NOTCH4: variants seen among roughly 807,000 people sequenced by gnomAD.
NOTCH4 encodes the protein neurogenic locus notch homolog protein 4.
A neutral mutation model predicts 189.0 loss-of-function variants in NOTCH4; 138 were observed. That is an observed-to-expected ratio of 0.73 (90% CI 0.64 to 0.84). NOTCH4 has a LOEUF of 0.84. Among genes scored for constraint, NOTCH4 ranks in the 40% least tolerant of loss-of-function variants. The pLI, the probability that NOTCH4 is intolerant of heterozygous loss-of-function variation, is 0.00. For synonymous variants in NOTCH4, 942 were observed against 1,032.8 expected (o/e 0.91, Z 1.69); for missense variants, 2,286 against 2,605.4 (o/e 0.88, Z 2.67).
Position 32,220,881 on chromosome 6 carries a change from G to A in NOTCH4, c.800-3C>T. On this transcript the variant is annotated splice_region_variant and splice_polypyrimidine_tract_variant and intron_variant, in intron 4 of 29. Coordinates refer to ENST00000375023, the MANE Select transcript of NOTCH4 (RefSeq NM_004557.4). ...CTCACAGTCTGGGCCTATGAAACCT[G>A]ACAGGGTCATGGATCAGCTGTGGGA... The A allele has an allele frequency of 6.2e-7, 1 of 1,613,062 alleles. No individual in the cohort carries two copies. The highest frequency in any genetic ancestry group is 1.1e-5 in the South Asian group (1 of 90,922).
In NOTCH4 at chr6:32,214,168, C is replaced by T. The variant is rs146606566; in HGVS notation, c.2109G>A (p.Gly703=). The change falls in exon 13 of 30, where the codon GGG becomes GGA. Residue 703 remains glycine (G), a synonymous_variant. Coordinates refer to ENST00000375023, the MANE Select transcript of NOTCH4 (RefSeq NM_004557.4). ...GGCISAPCAH[G]GTCYPQPSGY... is the part of the protein sequence containing the mutation. ...CAGAGGGCTGGGGGTAGCAGGTCCC[C>T]CCATGGGCACAGGGTGCAGAGATGC... The T allele has an allele frequency of 1.4e-5, 23 of 1,613,490 alleles. No individual in the cohort carries two copies. Among genetic ancestry groups the T allele is most frequent in the Non-Finnish European group, 1.9e-5 (23 of 1,179,854 alleles).
At chr6:32,206,564 G>A (rs1788691296) in intron 18 of NOTCH4, among the ~76,000 whole-genome samples, 1 of 152,044 alleles carries the variant, frequency 6.6e-6, no homozygotes, top group African/African-American at 2.4e-5. Flanking sequence ...CAAAAAAATG[G>A]AAAGATATCC....
rs557911728 is a variant in NOTCH4, at chr6:32,213,199, G to A, written c.2374C>T (p.Leu792Phe). Residue 792 changes from leucine (L) to phenylalanine (F), a missense_variant, in exon 15 of 30, where the codon CTC (leucine) becomes TTC (phenylalanine). This residue lies in a region of NOTCH4 where 1,903 missense variants were observed against 2,261.9 expected (regional missense o/e 0.84). Transcript: ENST00000375023. Reference protein sequence around the residue: ...CVNRPGTFSCLCAMGFQGPRC... With the variant: ...CVNRPGTFSCFCAMGFQGPRC... The stretch of plus-strand genomic sequence containing the variant: ...GGGCCCTGGAAGCCCATGGCACAGA[G>A]GCAGGAGAAGGTGCCAGGCCTGTTC... 2 of 1,614,044 alleles carry A rather than the reference G, an allele frequency of 1.2e-6. No individual in the cohort carries two copies. Among genetic ancestry groups the A allele is most frequent in the Middle Eastern group, 1.7e-4 (1 of 6,060 alleles).
In NOTCH4 at chr6:32,195,603, CA is replaced by C. The variant is rs1214881321; in HGVS notation, c.5845del (p.Trp1949GlyfsTer47). On this transcript the variant is annotated frameshift_variant, in exon 30 of 30. Transcript: ENST00000375023. LOFTEE classifies it low-confidence loss of function (END_TRUNC). The surrounding 1 kb of genome is among the most constrained non-coding windows in gnomAD (Gnocchi z 5.4). ...TCCCAGGGCCACCCAATCACAGGGC[CA>C]GTCATCCGTTGAGACCCTGCCTCCG... ...GRGGRVSTDD[W>X]PCDWVALGAC... 7 of 1,613,112 alleles carry C rather than the reference CA, an allele frequency of 4.3e-6. No homozygotes were observed. Among genetic ancestry groups the C allele is most frequent in the Non-Finnish European group, 5.9e-6 (7 of 1,180,026 alleles).
At position 32,210,909 on chromosome 6, in the gene NOTCH4, T is replaced by C. The variant is rs755056532; in HGVS notation, c.2708A>G (p.Asn903Ser). 20 of 1,605,396 alleles carry C rather than the reference T, an allele frequency of 1.2e-5. No individual in the cohort carries two copies. The East Asian group carries it at 1.3e-4, about 11-fold the overall frequency. ...QGIDVSSLCHNGGLCVDSGPS... is the reference protein window; with the variant it reads ...QGIDVSSLCHSGGLCVDSGPS... Reference sequence around the variant, plus strand: ...GCCGCTGTCGACACAGAGGCCTCCATTGTGGCAAAGGGAAGAGACGTCTAT... The same window carrying C: ...GCCGCTGTCGACACAGAGGCCTCCACTGTGGCAAAGGGAAGAGACGTCTAT... Residue 903 changes from asparagine (N) to serine (S), a missense_variant, in exon 18 of 30, where the codon AAT (asparagine) becomes AGT (serine). Around this residue, in one of 2 missense-constraint regions of NOTCH4, gnomAD observed 1,903 missense variants for 2,261.9 expected, o/e 0.84. Transcript: ENST00000375023. The surrounding 1 kb of genome is among the most constrained non-coding windows in gnomAD (Gnocchi z 4.8).
rs1212160209 is a variant in NOTCH4, at chr6:32,210,839, C to T, written c.2778G>A (p.Leu926=). ...CHCPPGFQGS[L]CQDHVNPCES... is the part of the protein sequence containing the mutation. ...CACATGGGTTCACGTGATCCTGGCA[C>T]AGGCTGCCTTGGAATCCAGGGGGGC... The change falls in exon 18 of 30, where the codon CTG becomes CTA. Residue 926 remains leucine (L), a synonymous_variant. Transcript: ENST00000375023. The surrounding 1 kb of genome is among the most constrained non-coding windows in gnomAD (Gnocchi z 4.8). 1 of 1,612,908 alleles carries T rather than the reference C, an allele frequency of 6.2e-7. No individual in the cohort carries two copies. Among genetic ancestry groups the T allele is most frequent in the African/African-American group, 1.3e-5 (1 of 74,944 alleles).
intron 27 of NOTCH4, 64 bp from the exon 28 acceptor site, chr6:32,197,136 CTAT>C: frequency 6.4e-7 from 1 of 1,573,664 alleles, no homozygotes; most frequent in Non-Finnish European, 8.6e-7. Context: ...GTTCCTTACA[CTAT>C]TAACCCCACT....
rs1400952913 is a variant in NOTCH4 at position 32,212,261 on chromosome 6, T to G, written c.2680+213A>C. On this transcript the variant is annotated intron_variant, in intron 17 of 29. Coordinates refer to ENST00000375023, the MANE Select transcript of NOTCH4 (RefSeq NM_004557.4). This position sits in a 1 kb window ranked among gnomAD's most constrained non-coding sequence, Gnocchi z 4.4. ...GTGGAATGGGCTGGTTGGTGTTGCT[T>G]GAATTGCGTTAAATGAGGTAACAGG... Among the ~76,000 whole-genome samples the G allele has an allele frequency of 6.6e-6, 1 of 152,152 alleles. No individual in the cohort carries two copies. The highest frequency in any genetic ancestry group is 2.4e-5 in the African/African-American group (1 of 41,420).
chr6:32,196,671 TC>T (rs1301160721), intron 28 of NOTCH4, among the ~76,000 whole-genome samples: 11 of 148,714 alleles, frequency 7.4e-5, no homozygotes, highest in African/African-American at 2.0e-4. Flanking sequence ...CCCACGAGAT[TC>T]CCCCCCCTTT....
In NOTCH4 at chr6:32,223,996, G is replaced by T; in HGVS notation, c.-68C>A. 7 of 1,484,854 alleles carry T rather than the reference G, an allele frequency of 4.7e-6. No individual in the cohort carries two copies. Among genetic ancestry groups the T allele is most frequent in the Non-Finnish European group, 6.3e-6 (7 of 1,113,186 alleles). The allele number at this position is 1,484,854 out of a possible 1,614,324, so 92.0% of individuals were successfully genotyped here. On this transcript the variant is annotated 5_prime_UTR_variant, in exon 1 of 30. Transcript: ENST00000375023. Reference sequence around the variant, plus strand: ...GGCAGGGACCCTCAGAGCTCTCACTGGGGCAGGAGCCACCTCCTCTGCTCC... The same window carrying T: ...GGCAGGGACCCTCAGAGCTCTCACTTGGGCAGGAGCCACCTCCTCTGCTCC...
chr6:32,219,871 C>T (rs1430667295), intron 7 of NOTCH4, 85 bp from the exon 8 acceptor site: 2 of 1,176,202 alleles, frequency 1.7e-6, no homozygotes, highest in Non-Finnish European at 2.4e-6. Flanking sequence ...GTGTGGGGGC[C>T]TGCGTGTGGC....
chr6:32,219,012 T>C (rs1561944281), intron 8 of NOTCH4, among the ~76,000 whole-genome samples: 1 of 152,164 alleles, frequency 6.6e-6, no homozygotes, highest in African/African-American at 2.4e-5. Context: ...TGGCATAAAG[T>C]TGGCGATTAT....
At position 32,221,620 on chromosome 6, in the gene NOTCH4, C is replaced by A. The variant is rs919237087; in HGVS notation, c.452-295G>T. Among the ~76,000 whole-genome samples, 1 of 152,122 alleles carries A rather than the reference C, an allele frequency of 6.6e-6. No individual in the cohort carries two copies. Among genetic ancestry groups the A allele is most frequent in the Admixed American group, 6.5e-5 (1 of 15,284 alleles). On this transcript the variant is annotated intron_variant, in intron 3 of 29. Transcript: ENST00000375023. The surrounding 1 kb of genome is among the most constrained non-coding windows in gnomAD (Gnocchi z 4.3). ...CTTGGGGGAGGTGAAAAGCACCCCA[C>A]GTCTGCAGGCAGGAGACTCAGGTGG...
intron 8 of NOTCH4, 98 bp from the exon 9 acceptor site, chr6:32,218,206 G>A (rs1789537196): frequency 1.3e-6 from 1 of 765,682 alleles, no homozygotes. Flanking sequence ...CCCCACTCAG[G>A]CGGTCCTCCC....
rs1298591615 is a variant in NOTCH4 at position 32,221,820 on chromosome 6, A to G, written c.452-495T>C. On this transcript the variant is annotated intron_variant, in intron 3 of 29. Coordinates refer to ENST00000375023, the MANE Select transcript of NOTCH4 (RefSeq NM_004557.4). This position sits in a 1 kb window ranked among gnomAD's most constrained non-coding sequence, Gnocchi z 4.3. ...GTGCCAGGTGCTGAGCTGAGCAAGC[A>G]TCTCCTGAGCATCGGCCCCTTCTGT... 6.6e-6 allele frequency among the ~76,000 whole-genome samples: 1 copy of G among 152,186 alleles called. No individual in the cohort carries two copies. The highest frequency in any genetic ancestry group is 1.9e-4 in the East Asian group (1 of 5,192).
rs750916027 is a variant in NOTCH4 at position 32,220,874 on chromosome 6, G to A, written c.804C>T (p.Phe268=). Residue 268 remains phenylalanine, a synonymous_variant, in exon 5 of 30, where the codon TTC becomes TTT. Coordinates refer to ENST00000375023, the MANE Select transcript of NOTCH4 (RefSeq NM_004557.4). ...GATTCACCTCACAGTCTGGGCCTAT[G>A]AAACCTGACAGGGTCATGGATCAGC... ...TFHLCLCPPG[F]IGPDCEVNPD... The A allele has an allele frequency of 8.1e-6, 13 of 1,613,442 alleles. No homozygotes were observed. Among genetic ancestry groups the A allele is most frequent in the Non-Finnish European group, 1.1e-5 (13 of 1,179,602 alleles).
rs181671442 is a variant in NOTCH4, at chr6:32,217,563, C to T, written c.1625-297G>A. On this transcript the variant is annotated intron_variant, in intron 9 of 29. Coordinates refer to ENST00000375023, the MANE Select transcript of NOTCH4 (RefSeq NM_004557.4). The surrounding 1 kb of genome is among the most constrained non-coding windows in gnomAD (Gnocchi z 4.2). ...CTGTTAAAAAGATTAAATGACATAA[C>T]GCCTGAAAAGTACTCAGCCAAATGG... 2.7e-3 allele frequency among the ~76,000 whole-genome samples: 418 copies of T among 152,294 alleles called. 9 individuals carry two copies. The South Asian group carries it at 0.04, about 15-fold the overall frequency.
In NOTCH4 at chr6:32,217,747, G is replaced by T. The variant is rs375587807; in HGVS notation, c.1624+248C>A. 1.0e-3 allele frequency among the ~76,000 whole-genome samples: 156 copies of T among 152,316 alleles called. 3 individuals carry two copies. The Middle Eastern group carries it at 0.014, about 13-fold the overall frequency. On this transcript the variant is annotated intron_variant, in intron 9 of 29. Coordinates refer to ENST00000375023, the MANE Select transcript of NOTCH4 (RefSeq NM_004557.4). This position sits in a 1 kb window ranked among gnomAD's most constrained non-coding sequence, Gnocchi z 4.2. ...GGGACCTCAACATGCATACACAGAG[G>T]CTGTGCAGGAGGACTGGAAAGGAGG...
In NOTCH4 at chr6:32,204,277, G is replaced by T. The variant is rs574704903; in HGVS notation, c.2978C>A (p.Ala993Asp). ...CTPKPGGFHC[A>D]CPPGFVGLRC... Reference sequence around the variant, plus strand: ...TAGCCCCACAAAGCCTGGAGGGCAGGCACAGTGGAATCCTCCAGGTTTGGG... The same window carrying T: ...TAGCCCCACAAAGCCTGGAGGGCAGTCACAGTGGAATCCTCCAGGTTTGGG... The change falls in exon 19 of 30, where the codon GCC becomes GAC. Residue 993 changes from alanine (A) to aspartate (D), a missense_variant. Transcript: ENST00000375023. 6.2e-7 allele frequency: 1 copy of T among 1,613,092 alleles called. No individual in the cohort carries two copies. Among genetic ancestry groups the T allele is most frequent in the East Asian group, 2.2e-5 (1 of 44,882 alleles).
Sources: gnomAD v4.1 joint callset for allele counts (sites outside exome capture counted in the v4.1 genomes callset) on GRCh38, gnomAD v4.1.1 for gene constraint, gnomAD v4.1.1 regional missense constraint, Gnocchi (gnomAD v3.1) non-coding constraint, MANE v1.5 for transcripts, NCBI Gene and HGNC (gene_info 2026-07-23, HGNC 2026-07-21) for gene names.